The following FAF1 variants were observed in gnomAD, a reference collection of about 807,000 sequenced individuals.
FAF1 encodes Fas associated factor 1.
A neutral mutation model predicts 92.5 loss-of-function variants in FAF1; 25 were observed. The observed-to-expected ratio is 0.27, with a 90% CI of 0.20 to 0.38. The LOEUF (loss-of-function observed/expected upper bound fraction) is 0.38, where lower values mean the gene tolerates loss of function less well. FAF1 is among the 10% of genes least tolerant of loss of function. FAF1 has a pLI of 1.00. For missense variants in FAF1, 636 were observed against 793.3 expected (o/e 0.80, Z 2.38); for synonymous variants, 234 against 273.2 (o/e 0.86, Z 1.42).
intron 2 of FAF1, among the ~76,000 whole-genome samples, chr1:50,843,783 T>C (rs1216950852): frequency 1.3e-5 from 2 of 152,138 alleles, no homozygotes; most frequent in East Asian, 1.9e-4. Flanking sequence ...CATTCATCCT[T>C]TGATGAACAC....
chr1:50,655,629 T>C, intron 7 of FAF1, 101 bp from the exon 8 acceptor site: 1 of 695,932 alleles, frequency 1.4e-6, no homozygotes, highest in South Asian at 2.4e-5. Flanking sequence ...TGTTTTCTTC[T>C]AGATTCAAAA....
chr1:50,835,570 C>CAAAAA (rs573942977), intron 2 of FAF1, among the ~76,000 whole-genome samples: 11 of 54,826 alleles, frequency 2.0e-4, no homozygotes, highest in South Asian at 8.7e-4. Flanking sequence ...GACTCCATCT[C>CAAAAA]AAAAAAAAAA....
intron 4 of FAF1, 99 bp from the exon 5 acceptor site, chr1:50,744,874 A>C (rs1659525689): frequency 1.7e-6 from 1 of 586,600 alleles, no homozygotes; most frequent in Non-Finnish European, 2.9e-6. Flanking sequence ...TACAGTGTAC[A>C]GTCAATGACA....
intron 1 of FAF1, among the ~76,000 whole-genome samples, chr1:50,903,696 G>C (rs1382673605): frequency 2.0e-5 from 3 of 152,168 alleles, no homozygotes; most frequent in Non-Finnish European, 4.4e-5. Context: ...CCACATTAGT[G>C]ATATTGTAAT....
chr1:50,909,582 T>C (rs1287130645), intron 1 of FAF1, among the ~76,000 whole-genome samples: 1 of 152,196 alleles, frequency 6.6e-6, no homozygotes, highest in East Asian at 1.9e-4. Flanking sequence ...TTCTTTTTGC[T>C]CTTTTTTCTC....
chr1:50,560,949 C>T (rs536436637), intron 13 of FAF1, among the ~76,000 whole-genome samples: 32 of 152,340 alleles, frequency 2.1e-4, no homozygotes, highest in African/African-American at 7.2e-4. Flanking sequence ...CAGATTAATA[C>T]TTACTATGCT....
At chr1:50,725,902 C>A (rs76606504) in intron 6 of FAF1, among the ~76,000 whole-genome samples, 34,941 of 152,114 alleles carry the variant, frequency 0.23, 4,401 homozygotes, top group Middle Eastern at 0.42. Flanking sequence ...CCACAGAAGA[C>A]AGTGATATGC....
chr1:50,944,151 G>A lies in FAF1; in HGVS notation c.45+15616C>T, dbSNP rs1454297710. On this transcript the variant is annotated intron_variant, in intron 1 of 18. Transcript: ENST00000396153. ...GAAGTGTTCACAGGTGTTTTGCATG[G>A]AAGGTACATGACCTGGAGCCAACCA... Among the ~76,000 whole-genome samples the A allele has an allele frequency of 3.3e-5, 5 of 152,314 alleles. No homozygotes were observed. The East Asian group carries it at 5.8e-4, about 18-fold the overall frequency.
intron 2 of FAF1, among the ~76,000 whole-genome samples, chr1:50,811,520 G>A (rs1161028716): frequency 1.3e-5 from 2 of 152,118 alleles, no homozygotes; most frequent in Admixed American, 1.3e-4. Context: ...AAAGATCTCT[G>A]TAATGAGAAT....
chr1:50,730,960 G>C (rs1569851038), intron 6 of FAF1, among the ~76,000 whole-genome samples: 1 of 152,278 alleles, frequency 6.6e-6, no homozygotes, highest in East Asian at 1.9e-4. Context: ...AAATATCTCT[G>C]AACTTGCTTC....
intron 18 of FAF1, among the ~76,000 whole-genome samples, chr1:50,444,323 T>C (rs1224973225): frequency 2.0e-5 from 3 of 152,180 alleles, no homozygotes; most frequent in African/African-American, 7.2e-5. Flanking sequence ...GAGAGACAGC[T>C]AAAGAATGGG....
intron 2 of FAF1, among the ~76,000 whole-genome samples, chr1:50,847,703 G>A (rs1462148099): frequency 6.6e-6 from 1 of 152,064 alleles, no homozygotes; most frequent in South Asian, 2.1e-4. Context: ...AGAGGGAGCT[G>A]GTGGGCTCAC....
intron 7 of FAF1, among the ~76,000 whole-genome samples, chr1:50,684,661 C>G (rs1656574291): frequency 6.6e-6 from 1 of 152,126 alleles, no homozygotes; most frequent in Non-Finnish European, 1.5e-5. Flanking sequence ...TTGTCAGATT[C>G]ACAAAATTCC....
chr1:50,731,794 T>C (rs1336474211), intron 6 of FAF1, among the ~76,000 whole-genome samples: 2 of 152,220 alleles, frequency 1.3e-5, no homozygotes, highest in Non-Finnish European at 2.9e-5. Context: ...TGATGTTTGC[T>C]ATTATGACTT....
intron 1 of FAF1, among the ~76,000 whole-genome samples, chr1:50,884,330 C>G (rs1360841291): frequency 6.6e-6 from 1 of 151,428 alleles, no homozygotes; most frequent in East Asian, 1.9e-4. Flanking sequence ...GCCTGGCCAA[C>G]AGGCGAAACC....
At chr1:50,585,507 A>C (rs1651184526) in intron 9 of FAF1, among the ~76,000 whole-genome samples, 1 of 152,318 alleles carries the variant, frequency 6.6e-6, no homozygotes, top group Admixed American at 6.5e-5. Context: ...ATCTGCTTCA[A>C]AGAACTAGGC....
intron 15 of FAF1, among the ~76,000 whole-genome samples, chr1:50,503,500 A>G (rs936509643): frequency 5.3e-5 from 8 of 152,032 alleles, no homozygotes; most frequent in African/African-American, 1.9e-4. Flanking sequence ...GTGTGTCTGT[A>G]GTCCCAGCTA....
At chr1:50,677,964 G>A (rs1049748464) in intron 7 of FAF1, among the ~76,000 whole-genome samples, 1 of 150,148 alleles carries the variant, frequency 6.7e-6, no homozygotes, top group African/African-American at 2.5e-5. Flanking sequence ...CATCTTCCTT[G>A]TATTCTATTT....
chr1:50,740,643 C>T (rs1270818988), intron 5 of FAF1, among the ~76,000 whole-genome samples: 1 of 152,014 alleles, frequency 6.6e-6, no homozygotes, highest in East Asian at 1.9e-4. Flanking sequence ...ATGCTGCTGA[C>T]TATAACCCAC....
Sources: gnomAD v4.1 joint callset for allele counts (sites outside exome capture counted in the v4.1 genomes callset) on GRCh38, gnomAD v4.1.1 for gene constraint, MANE v1.5 for transcripts, NCBI Gene and HGNC (gene_info 2026-07-23, HGNC 2026-07-21) for gene names.